The following P3H3 variants were observed in gnomAD, a reference collection of about 807,000 sequenced individuals.
P3H3 encodes the protein gene rich cluster, B.
Under a neutral mutation model 78.1 loss-of-function variants are expected in P3H3, and 64 were observed. That is an observed-to-expected ratio of 0.82 (90% CI 0.67 to 1.01). P3H3 has a LOEUF of 1.01. P3H3 is among the 50% of genes least tolerant of loss of function. The pLI, the probability that P3H3 is intolerant of heterozygous loss-of-function variation, is 0.00. For synonymous variants in P3H3, 425 were observed against 416.7 expected (o/e 1.02, Z -0.24); for missense variants, 975 against 982.2 (o/e 0.99, Z 0.10).
chr12:6,834,183 C>G, intron 9 of P3H3, 134 bp downstream of exon 9: 2 of 1,328,094 alleles, frequency 1.5e-6, no homozygotes, highest in Non-Finnish European at 2.1e-6. Context: ...CACTGCCTCT[C>G]AGCTGTGGAT....
rs782345174 is a variant in P3H3, at chr12:6,839,087, C to CGGCGCTGTGCCCT, written c.1997_2009dup (p.Trp672CysfsTer11). Reference sequence around the variant, plus strand: ...TGGGGTGTGGGCCGTGACTCGGGGACGGCGCTGTGCCCTGGCACTGTGGCA... The same window carrying CGGCGCTGTGCCCT: ...TGGGGTGTGGGCCGTGACTCGGGGACGGCGCTGTGCCCTGGCGCTGTGCCCTGGCACTGTGGCA... On this transcript the variant is annotated frameshift_variant, in exon 14 of 15. Coordinates refer to ENST00000290510, the MANE Select transcript of P3H3 (RefSeq NM_014262.5). LOFTEE classifies it high-confidence loss of function. The CGGCGCTGTGCCCT allele has an allele frequency of 6.2e-7, 1 of 1,610,656 alleles. No homozygotes were observed. The highest frequency in any genetic ancestry group is 1.7e-5 in the Admixed American group (1 of 59,838).
intron 9 of P3H3, among the ~76,000 whole-genome samples, chr12:6,836,458 A>G (rs1555122130): frequency 6.6e-6 from 1 of 152,176 alleles, no homozygotes; most frequent in Non-Finnish European, 1.5e-5. Context: ...GTTGTGACTC[A>G]GTATCAAGGA....
At position 6,830,556 on chromosome 12, in the gene P3H3, T is replaced by C; in HGVS notation, c.853+2T>C. 1 of 1,572,930 alleles carries C rather than the reference T, an allele frequency of 6.4e-7. No homozygotes were observed. Among genetic ancestry groups the C allele is most frequent in the Non-Finnish European group, 8.6e-7 (1 of 1,159,648 alleles). ...GGGGCCTCTATGAGGCCATTGCAGG[T>C]AAGGGTCCCGTGTGTGAGGGGGTGG... is the stretch of plus-strand genomic sequence containing the variant. On this transcript the variant is annotated splice_donor_variant, in intron 3 of 14. Transcript: ENST00000290510. LOFTEE classifies it high-confidence loss of function.
rs1943450087 is a variant in P3H3, at chr12:6,831,412, A to G, written c.1122+60A>G. The G allele has an allele frequency of 1.2e-6, 2 of 1,602,828 alleles. No homozygotes were observed. Among genetic ancestry groups the G allele is most frequent in the South Asian group, 2.2e-5 (2 of 90,526 alleles). ...CCCAAATCAAACAAATAGACCTGAG[A>G]AGTAACCTGGACCCCCACCCCCCGC... On this transcript the variant is annotated intron_variant, in intron 5 of 14. Coordinates refer to ENST00000290510, the MANE Select transcript of P3H3 (RefSeq NM_014262.5). The surrounding 1 kb of genome is among the most constrained non-coding windows in gnomAD (Gnocchi z 4.6).
At position 6,831,974 on chromosome 12, in the gene P3H3, T is replaced by C. The variant is rs1020667112; in HGVS notation, c.1212+60T>C. 84 of 964,686 alleles carry C rather than the reference T, an allele frequency of 8.7e-5. No individual in the cohort carries two copies. Among genetic ancestry groups the C allele is most frequent in the Non-Finnish European group, 1.3e-4 (82 of 619,704 alleles). 59.8% of individuals were successfully genotyped at this position (964,686 alleles called of 1,614,324 possible). A position where few individuals can be genotyped will look rare whatever the true frequency, so the allele number is the denominator to read the frequency against. The stretch of plus-strand genomic sequence containing the variant: ...CGCACTCCCAGGAGGGATGGCACTT[T>C]GGTTTGCAACAGAGTTTTCCATTTT... On this transcript the variant is annotated intron_variant, in intron 6 of 14. Transcript: ENST00000290510. This position sits in a 1 kb window ranked among gnomAD's most constrained non-coding sequence, Gnocchi z 4.6.
At chr12:6,837,903 G>C in intron 12 of P3H3, 54 bp downstream of exon 12, 27 of 1,590,726 alleles carry the variant, frequency 1.7e-5, no homozygotes, top group Non-Finnish European at 2.2e-5. Context: ...TCATCCCACT[G>C]CCGGCCTGGG....
Position 6,828,819 on chromosome 12 carries a change from C to G in P3H3, c.379C>G (p.Gln127Glu). 1 of 1,238,186 alleles carries G rather than the reference C, an allele frequency of 8.1e-7. No individual in the cohort carries two copies. Among genetic ancestry groups the G allele is most frequent in the Non-Finnish European group, 1.0e-6 (1 of 990,764 alleles). The allele number at this position is 1,238,186 out of a possible 1,614,324, so 76.7% of individuals were successfully genotyped here. A position where few individuals can be genotyped will look rare whatever the true frequency, so the allele number is the denominator to read the frequency against. Residue 127 changes from glutamine to glutamate, a missense_variant, in exon 1 of 15, where the codon CAG becomes GAG. Transcript: ENST00000290510. ...AALRRADCLTQCAARRLGPGG... is the reference protein window; with the variant it reads ...AALRRADCLTECAARRLGPGG... The stretch of plus-strand genomic sequence containing the variant: ...GCTCCGCCGCGCAGACTGCCTGACC[C>G]AGTGCGCAGCACGGAGGCTGGGCCC...
chr12:6,833,921 G>A lies in P3H3; in HGVS notation c.1334-4G>A, dbSNP rs991493060. 1 of 1,613,954 alleles carries A rather than the reference G, an allele frequency of 6.2e-7. No homozygotes were observed. Among genetic ancestry groups the A allele is most frequent in the Admixed American group, 1.7e-5 (1 of 60,028 alleles). ...CCCCCTCTGCTCTGTCTTTTCCCTG[G>A]CAGATGTCCTTCTCCTGGAGGGTGT... On this transcript the variant is annotated splice_polypyrimidine_tract_variant and splice_region_variant and intron_variant, in intron 8 of 14. Coordinates refer to ENST00000290510, the MANE Select transcript of P3H3 (RefSeq NM_014262.5).
intron 10 of P3H3, 22 bp from the exon 11 acceptor site, chr12:6,837,401 C>G (rs782723441): frequency 1.9e-5 from 31 of 1,600,202 alleles, no homozygotes; most frequent in Middle Eastern, 3.4e-4. Flanking sequence ...TCCTTTTCTG[C>G]CCTGCCTTTC....
At position 6,828,650 on chromosome 12, in the gene P3H3, G is replaced by A; in HGVS notation, c.210G>A (p.Leu70=). The change falls in exon 1 of 15, where the codon CTG becomes CTA. Residue 70 remains leucine, a synonymous_variant. Transcript: ENST00000290510. ...LREALRSQAA[L]GRVRLDCGAS... ...AGGCGCTGCGGAGCCAGGCGGCGCT[G>A]GGCCGGGTGCGGCTGGATTGCGGGG... The A allele has an allele frequency of 2.4e-6, 3 of 1,226,104 alleles. No homozygotes were observed. The highest frequency in any genetic ancestry group is 3.0e-6 in the Non-Finnish European group (3 of 984,216). The allele number at this position is 1,226,104 out of a possible 1,614,324, so 76.0% of individuals were successfully genotyped here. A position where few individuals can be genotyped will look rare whatever the true frequency, so the allele number is the denominator to read the frequency against.
chr12:6,829,094 C>T lies in P3H3; in HGVS notation c.498+156C>T, dbSNP rs1385843969. On this transcript the variant is annotated intron_variant, in intron 1 of 14. Transcript: ENST00000290510. This position sits in a 1 kb window ranked among gnomAD's most constrained non-coding sequence, Gnocchi z 5.1. Reference sequence around the variant, plus strand: ...CTCTGCGTAGGAGCTGGCTAAGCGACCGCGAGGACCTCTTGAGATCGCAGA... The same window carrying T: ...CTCTGCGTAGGAGCTGGCTAAGCGATCGCGAGGACCTCTTGAGATCGCAGA... 7.0e-6 allele frequency: 3 copies of T among 428,636 alleles called. No homozygotes were observed. The highest frequency in any genetic ancestry group is 4.4e-5 in the Admixed American group (1 of 22,690). The allele number at this position is 428,636 out of a possible 1,614,324, so 26.6% of individuals were successfully genotyped here.
At position 6,836,541 on chromosome 12, in the gene P3H3, G is replaced by A. The variant is rs145962730; in HGVS notation, c.1459-444G>A. 1.2e-3 allele frequency among the ~76,000 whole-genome samples: 182 copies of A among 152,232 alleles called. 1 individual carries two copies. In the East Asian group the frequency reaches 0.032, roughly 27 times the overall value. ...GGAAGAGGTCAGAGAGGGATAGCCC[G>A]CTGATGCTGTCTCCCTACCGCCAGT... On this transcript the variant is annotated intron_variant, in intron 9 of 14. Coordinates refer to ENST00000290510, the MANE Select transcript of P3H3 (RefSeq NM_014262.5).
Position 6,829,719 on chromosome 12 carries a change from C to A in P3H3, c.499-140C>A. ...GGGGATCTGCAGTTCGGGCGGTGGG[C>A]GGTTCTGATTGGCCAGTCTTCCATG... On this transcript the variant is annotated intron_variant, in intron 1 of 14. Coordinates refer to ENST00000290510, the MANE Select transcript of P3H3 (RefSeq NM_014262.5). The surrounding 1 kb of genome is among the most constrained non-coding windows in gnomAD (Gnocchi z 5.1). The A allele has an allele frequency of 2.4e-6, 2 of 825,464 alleles. No individual in the cohort carries two copies. The highest frequency in any genetic ancestry group is 3.9e-6 in the Non-Finnish European group (2 of 507,856). The allele number at this position is 825,464 out of a possible 1,614,324, so 51.1% of individuals were successfully genotyped here.
chr12:6,831,641 C>A lies in P3H3; in HGVS notation c.1123-184C>A, dbSNP rs1293698782. ...ACCCACACACTCACACACACTCCCA[C>A]CCCCTACACCCTTTCCAGTTTAAGT... On this transcript the variant is annotated intron_variant, in intron 5 of 14. Transcript: ENST00000290510. This position sits in a 1 kb window ranked among gnomAD's most constrained non-coding sequence, Gnocchi z 4.6. 1.3e-5 allele frequency among the ~76,000 whole-genome samples: 2 copies of A among 152,110 alleles called. No individual in the cohort carries two copies. Among genetic ancestry groups the A allele is most frequent in the Non-Finnish European group, 2.9e-5 (2 of 68,032 alleles).
rs1555122212 is a variant in P3H3, at chr12:6,836,975, T to TC, written c.1459-8dup. 6.2e-7 allele frequency: 1 copy of TC among 1,606,946 alleles called. No individual in the cohort carries two copies. The highest frequency in any genetic ancestry group is 1.1e-5 in the South Asian group (1 of 90,958). Reference sequence around the variant, plus strand: ...GGGAGTGACTCCACGGTAAACTCCTTCCTATTTAGGATGCAGCTGGGGCTG... The same window carrying TC: ...GGGAGTGACTCCACGGTAAACTCCTTCCCTATTTAGGATGCAGCTGGGGCTG... On this transcript the variant is annotated splice_polypyrimidine_tract_variant and intron_variant, in intron 9 of 14. Coordinates refer to ENST00000290510, the MANE Select transcript of P3H3 (RefSeq NM_014262.5).
At position 6,837,741 on chromosome 12, in the gene P3H3, A is replaced by T; in HGVS notation, c.1721A>T (p.Glu574Val). The T allele has an allele frequency of 6.2e-7, 1 of 1,612,066 alleles. No individual in the cohort carries two copies. Among genetic ancestry groups the T allele is most frequent in the Non-Finnish European group, 8.5e-7 (1 of 1,179,082 alleles). Residue 574 changes from glutamate (E) to valine (V), a missense_variant, in exon 12 of 15, where the codon GAG (glutamate) becomes GTG (valine). Transcript: ENST00000290510. Reference sequence around the variant, plus strand: ...CCCCTTTGTGTCCTAGGAGAGCAAGAGCAGCGCATGGACCTGAGTCACCCA... The same window carrying T: ...CCCCTTTGTGTCCTAGGAGAGCAAGTGCAGCGCATGGACCTGAGTCACCCA... ...VCRSAIEGEQ[E>V]QRMDLSHPVH...
In P3H3 at chr12:6,831,937, A is replaced by G. The variant is rs1943454688; in HGVS notation, c.1212+23A>G. ...CCTGTGAGTCACTCCACTTCTGCCC[A>G]TCTCACCCCTCCGCACTCCCAGGAG... On this transcript the variant is annotated intron_variant, in intron 6 of 14. Transcript: ENST00000290510. This position sits in a 1 kb window ranked among gnomAD's most constrained non-coding sequence, Gnocchi z 4.6. 1 of 1,398,560 alleles carries G rather than the reference A, an allele frequency of 7.2e-7. No individual in the cohort carries two copies. 86.6% of individuals were successfully genotyped at this position (1,398,560 alleles called of 1,614,324 possible). A position where few individuals can be genotyped will look rare whatever the true frequency, so the allele number is the denominator to read the frequency against.
At chr12:6,837,117 A>G (rs2137967150) in intron 10 of P3H3, 31 bp downstream of exon 10, 1 of 1,556,210 alleles carries the variant, frequency 6.4e-7, no homozygotes. Context: ...GGCCCGTCTG[A>G]TGCCCAGACC....
chr12:6,833,659 A>G lies in P3H3; in HGVS notation c.1265+15A>G, dbSNP rs4963512. ...GAAAAGCTCAGGTAGGATATGCCCC[A>G]TGGTGGGAGGGGCTTGGCCCGAGCT... On this transcript the variant is annotated intron_variant, in intron 7 of 14. Transcript: ENST00000290510. 1,008,402 of 1,612,062 alleles carry G rather than the reference A, an allele frequency of 0.63. 324,281 individuals are homozygous for G. The highest frequency in any genetic ancestry group is 0.97 in the East Asian group (43,526 of 44,876).
Sources: allele counts gnomAD v4.1 joint callset (sites outside exome capture counted in the v4.1 genomes callset), GRCh38; gene constraint gnomAD v4.1.1; non-coding constraint Gnocchi (gnomAD v3.1); transcripts MANE v1.5; gene names NCBI Gene and HGNC (gene_info 2026-07-23, HGNC 2026-07-21).